The following IMMP2L variants were observed in gnomAD, a reference collection of about 807,000 sequenced individuals.
IMMP2L encodes the protein mitochondrial inner membrane protease subunit 2.
A neutral mutation model predicts 19.3 loss-of-function variants in IMMP2L; 18 were observed. The ratio of observed to expected loss-of-function variants is 0.93; its 90% confidence interval spans 0.64 to 1.38. The LOEUF is 1.38. Ranked by LOEUF, IMMP2L falls within the 40% of genes most tolerant of loss-of-function variation. The pLI is 0.00. For synonymous variants in IMMP2L, 76 were observed against 73.0 expected (o/e 1.04, Z -0.21); for missense variants, 233 against 218.2 (o/e 1.07, Z -0.43).
At chr7:111,284,110 T>C (rs920853507) in intron 3 of IMMP2L, among the ~76,000 whole-genome samples, 3 of 152,124 alleles carry the variant, frequency 2.0e-5, no homozygotes, top group African/African-American at 7.2e-5. Context: ...AAATACCCTG[T>C]AGTTCTCATG....
chr7:110,693,409 C>T (rs1366626897), intron 5 of IMMP2L, among the ~76,000 whole-genome samples: 1 of 152,158 alleles, frequency 6.6e-6, no homozygotes, highest in African/African-American at 2.4e-5. Flanking sequence ...TAAAATAGTG[C>T]CATCTAGTCT....
intron 5 of IMMP2L, among the ~76,000 whole-genome samples, chr7:110,807,230 C>A (rs1404809259): frequency 6.6e-6 from 1 of 151,976 alleles, no homozygotes; most frequent in East Asian, 1.9e-4. Context: ...TTCTTCTAGT[C>A]CCTATGGAGT....
chr7:110,725,051 C>T (rs554719726), intron 5 of IMMP2L, among the ~76,000 whole-genome samples: 8 of 152,254 alleles, frequency 5.3e-5, no homozygotes, highest in South Asian at 2.1e-4. Flanking sequence ...TAAAATGAAG[C>T]GGTACCTGTC....
chr7:111,277,732 G>T (rs944494793), intron 3 of IMMP2L, among the ~76,000 whole-genome samples: 1 of 152,080 alleles, frequency 6.6e-6, no homozygotes, highest in Admixed American at 6.6e-5. Context: ...CCACTACTGG[G>T]TATCTACCCA....
At chr7:111,557,482 C>T (rs757163122) in intron 1 of IMMP2L, among the ~76,000 whole-genome samples, 3 of 152,170 alleles carry the variant, frequency 2.0e-5, no homozygotes, top group Non-Finnish European at 4.4e-5. Context: ...TAATGCCACA[C>T]AACTACTCAT....
intron 5 of IMMP2L, among the ~76,000 whole-genome samples, chr7:110,793,923 A>T (rs1800661146): frequency 6.6e-6 from 1 of 152,136 alleles, no homozygotes; most frequent in South Asian, 2.1e-4. Flanking sequence ...GTCCAACATG[A>T]TATGTCATCA....
At chr7:111,167,607 T>C (rs1378941705) in intron 3 of IMMP2L, among the ~76,000 whole-genome samples, 3 of 151,948 alleles carry the variant, frequency 2.0e-5, no homozygotes, top group Non-Finnish European at 4.4e-5. Flanking sequence ...TTACCTTTAG[T>C]GTATTGACGA....
chr7:111,024,381 C>A (rs1270091943), intron 3 of IMMP2L, among the ~76,000 whole-genome samples: 1 of 152,098 alleles, frequency 6.6e-6, no homozygotes, highest in Admixed American at 6.6e-5. Flanking sequence ...TCTGGGCAGC[C>A]CTTTTCTCTA....
intron 3 of IMMP2L, among the ~76,000 whole-genome samples, chr7:111,423,084 G>A (rs1034093409): frequency 6.6e-6 from 1 of 151,772 alleles, no homozygotes; most frequent in African/African-American, 2.4e-5. Flanking sequence ...GATCATGGTG[G>A]ATAAGCTTCT....
At chr7:111,466,462 A>G (rs1840674205) in intron 3 of IMMP2L, among the ~76,000 whole-genome samples, 1 of 152,194 alleles carries the variant, frequency 6.6e-6, no homozygotes, top group Non-Finnish European at 1.5e-5. Flanking sequence ...TAAAGTAAAA[A>G]TAAACACACA....
intron 3 of IMMP2L, among the ~76,000 whole-genome samples, chr7:111,156,640 G>A (rs1296351615): frequency 6.6e-6 from 1 of 151,950 alleles, no homozygotes; most frequent in African/African-American, 2.4e-5. Flanking sequence ...TGTGTGCACA[G>A]GTTTTACAAA....
chr7:111,099,491 T>C (rs1326437308), intron 3 of IMMP2L, among the ~76,000 whole-genome samples: 1 of 151,672 alleles, frequency 6.6e-6, no homozygotes, highest in Non-Finnish European at 1.5e-5. Flanking sequence ...AGTAGAAGCG[T>C]TCTATATTAG....
At chr7:111,392,130 A>G (rs533268226) in intron 3 of IMMP2L, 71 of 618,532 alleles carry the variant, frequency 1.1e-4, no homozygotes, top group Non-Finnish European at 2.0e-4. Flanking sequence ...GGAGGACCTC[A>G]GACAACAACA....
At position 110,803,346 on chromosome 7, in the gene IMMP2L, CAG is replaced by C. The variant is rs1484849353; in HGVS notation, c.408+83245_408+83246del. 6.6e-6 allele frequency among the ~76,000 whole-genome samples: 1 copy of C among 152,024 alleles called. No homozygotes were observed. Among genetic ancestry groups the C allele is most frequent in the Non-Finnish European group, 1.5e-5 (1 of 67,988 alleles). On this transcript the variant is annotated intron_variant, in intron 5 of 5. Coordinates refer to ENST00000405709, the MANE Select transcript of IMMP2L (RefSeq NM_032549.4). This position sits in a 1 kb window ranked among gnomAD's most constrained non-coding sequence, Gnocchi z 4.2. ...GTCCACTTTGAATATCATCAAACTGCAGAACCTGGACTCAATTTGATCTGCCA... is the reference window on the plus strand; with the variant it reads ...GTCCACTTTGAATATCATCAAACTGCAACCTGGACTCAATTTGATCTGCCA...
chr7:111,329,187 G>A (rs1825633290), intron 3 of IMMP2L, among the ~76,000 whole-genome samples: 1 of 151,794 alleles, frequency 6.6e-6, no homozygotes, highest in African/African-American at 2.4e-5. Context: ...CATTAATAGA[G>A]AGGATTCTAG....
intron 3 of IMMP2L, among the ~76,000 whole-genome samples, chr7:111,372,196 G>A (rs115180828): frequency 0.02 from 3,019 of 151,864 alleles, 107 homozygotes; most frequent in African/African-American, 0.069. Context: ...TTTATATGAT[G>A]TGATTATTAT....
rs77393798 is a variant in IMMP2L, at chr7:111,544,740, T to G, written c.-3+17111A>C. On this transcript the variant is annotated intron_variant, in intron 1 of 5. Transcript: ENST00000405709. ...CAAAATAAGGTGAGAGAAAAGCAGCTGAGAAGGGGAGGTTTACATTCAACA... is the reference window on the plus strand; with the variant it reads ...CAAAATAAGGTGAGAGAAAAGCAGCGGAGAAGGGGAGGTTTACATTCAACA... Among the ~76,000 whole-genome samples the G allele has an allele frequency of 8.8e-3, 1,320 of 150,648 alleles. 26 individuals carry two copies. Among genetic ancestry groups the G allele is most frequent in the African/African-American group, 0.03 (1,244 of 41,184 alleles).
chr7:111,074,351 G>A (rs12669471), intron 3 of IMMP2L, among the ~76,000 whole-genome samples: 20,285 of 152,160 alleles, frequency 0.13, 1,958 homozygotes, highest in African/African-American at 0.26. Context: ...ATACTAATTT[G>A]CTTTTCATAA....
At chr7:111,068,517 T>A (rs1794697920) in intron 3 of IMMP2L, among the ~76,000 whole-genome samples, 1 of 152,080 alleles carries the variant, frequency 6.6e-6, no homozygotes, top group Non-Finnish European at 1.5e-5. Flanking sequence ...GTGGGGGAAG[T>A]GAGAAAAAGC....
Sources: allele counts gnomAD v4.1 joint callset (sites outside exome capture counted in the v4.1 genomes callset), GRCh38; gene constraint gnomAD v4.1.1; non-coding constraint Gnocchi (gnomAD v3.1); transcripts MANE v1.5; gene names NCBI Gene and HGNC (gene_info 2026-07-23, HGNC 2026-07-21).